The following ADAMTSL1 variants were observed in gnomAD, a reference collection of about 807,000 sequenced individuals.
ADAMTSL1 encodes the protein ADAMTS like 1.
Under a neutral mutation model 201.8 loss-of-function variants are expected in ADAMTSL1, and 126 were observed. The ratio of observed to expected loss-of-function variants is 0.62; its 90% confidence interval spans 0.54 to 0.72. The LOEUF is 0.72. Among genes scored for constraint, ADAMTSL1 ranks in the 30% least tolerant of loss-of-function variants. ADAMTSL1 has a pLI of 0.00. For synonymous variants in ADAMTSL1, 1,121 were observed against 903.4 expected, an observed-to-expected ratio of 1.24 and a Z score of -4.32; for missense variants, 2,679 against 2,277.8, an observed-to-expected ratio of 1.18 and a Z score of -3.59.
chr9:18,511,076 A>G (rs12340914), intron 2 of ADAMTSL1, among the ~76,000 whole-genome samples: 54,834 of 151,898 alleles, frequency 0.36, 10,696 homozygotes, highest in South Asian at 0.47. Flanking sequence ...TATTAAGTCA[A>G]TGCCAAGACC....
intron 2 of ADAMTSL1, among the ~76,000 whole-genome samples, chr9:18,344,910 G>A (rs747213930): frequency 5.3e-5 from 8 of 152,186 alleles, no homozygotes; most frequent in African/African-American, 1.4e-4. Context: ...CCTCATCCCA[G>A]TGGAGCTATT....
In ADAMTSL1 at chr9:18,220,480, A is replaced by G. The variant is rs181664881; in HGVS notation, c.207+56499A>G. On this transcript the variant is annotated intron_variant, in intron 2 of 29. Transcript: ENST00000680146. ...TTTTGTCTGTTTTTTAAAATTTTTC[A>G]ATACCTTCATCTTTAGTGTCAGTAT... Among the ~76,000 whole-genome samples the G allele has an allele frequency of 2.9e-3, 435 of 152,188 alleles. 2 individuals carry two copies. The highest frequency in any genetic ancestry group is 4.4e-3 in the Non-Finnish European group (298 of 67,994).
Position 18,073,052 on chromosome 9 carries a change from C to A in ADAMTSL1, c.88-90810C>A, listed in dbSNP as rs115750580. On this transcript the variant is annotated intron_variant, in intron 1 of 29. Transcript: ENST00000680146. ...CTTAGGGTAGATTAATAGTGTTGTC[C>A]TCACAGCGTTATCTTCATTAATGAA... Among the ~76,000 whole-genome samples the A allele has an allele frequency of 8.4e-3, 1,272 of 152,240 alleles. 21 individuals are homozygous for A. Among genetic ancestry groups the A allele is most frequent in the South Asian group, 0.05 (240 of 4,816 alleles).
chr9:18,474,266 C>G lies in ADAMTSL1; in HGVS notation c.34C>G (p.Leu12Val), dbSNP rs201842948. The G allele has an allele frequency of 1.2e-6, 2 of 1,614,178 alleles. No individual in the cohort carries two copies. The highest frequency in any genetic ancestry group is 2.7e-5 in the African/African-American group (2 of 75,058). The change falls in exon 1 of 29, where the codon CTG becomes GTG. Residue 12 changes from leucine (L) to valine (V), a missense_variant. By Grantham distance (32) the Leu-to-Val change is conservative (BLOSUM62 1). Coordinates refer to ENST00000380548, the MANE Select transcript of ADAMTSL1 (RefSeq NM_001040272.6). ...ECCRRATPGT[L>V]LLFLAFLLLS... ...CTGCCGTCGGGCAACTCCTGGCACA[C>G]TGCTCCTCTTTCTGGCTTTCCTGCT...
At chr9:18,071,665 GC>G (rs1822975381) in intron 1 of ADAMTSL1, among the ~76,000 whole-genome samples, 2 of 152,200 alleles carry the variant, frequency 1.3e-5, no homozygotes. Context: ...CCCAAGTGAA[GC>G]CCAGGAAGGG....
At chr9:18,213,331 G>T (rs193004948) in intron 2 of ADAMTSL1, among the ~76,000 whole-genome samples, 4 of 152,242 alleles carry the variant, frequency 2.6e-5, no homozygotes, top group Admixed American at 2.6e-4. Context: ...TGATGATAAC[G>T]GACATTTTCA....
chr9:18,136,313 A>C (rs993246772), intron 1 of ADAMTSL1, among the ~76,000 whole-genome samples: 4 of 152,202 alleles, frequency 2.6e-5, no homozygotes, highest in African/African-American at 9.6e-5. Context: ...CAATGCAGGC[A>C]ATCAGCTGCC....
intron 2 of ADAMTSL1, among the ~76,000 whole-genome samples, chr9:18,191,745 T>A (rs1828979987): frequency 6.6e-6 from 1 of 152,194 alleles, no homozygotes; most frequent in Non-Finnish European, 1.5e-5. Context: ...GTAACTGGCA[T>A]CAATTCTTAG....
chr9:18,149,945 G>A (rs935834878), intron 1 of ADAMTSL1, among the ~76,000 whole-genome samples: 1 of 152,018 alleles, frequency 6.6e-6, no homozygotes, highest in African/African-American at 2.4e-5. Flanking sequence ...TTTCTGGCTT[G>A]GATTACCTGG....
intron 1 of ADAMTSL1, among the ~76,000 whole-genome samples, chr9:18,073,059 C>T (rs983699768): frequency 2.0e-5 from 3 of 152,118 alleles, no homozygotes; most frequent in Admixed American, 6.6e-5. Flanking sequence ...GTCCTCACAG[C>T]GTTATCTTCA....
intron 13 of ADAMTSL1, among the ~76,000 whole-genome samples, chr9:18,690,898 C>G (rs567115357): frequency 2.6e-5 from 4 of 152,314 alleles, no homozygotes; most frequent in African/African-American, 9.6e-5. Flanking sequence ...GTTCACACCT[C>G]CTAATGATGG....
chr9:17,968,820 C>T (rs2811808), intron 1 of ADAMTSL1, among the ~76,000 whole-genome samples: 90,074 of 151,916 alleles, frequency 0.59, 27,300 homozygotes, highest in East Asian at 0.92. Flanking sequence ...AAATCCTTCA[C>T]TGAGGTTTTA....
At chr9:18,374,870 A>G (rs1005055807) in intron 2 of ADAMTSL1, among the ~76,000 whole-genome samples, 6 of 152,232 alleles carry the variant, frequency 3.9e-5, no homozygotes, top group African/African-American at 1.4e-4. Flanking sequence ...TGCCAGGGCT[A>G]GATGTTCAAC....
intron 21 of ADAMTSL1, among the ~76,000 whole-genome samples, chr9:18,825,420 T>C (rs1457560048): frequency 3.3e-5 from 5 of 152,220 alleles, no homozygotes; most frequent in Non-Finnish European, 7.3e-5. Flanking sequence ...CCTGTGGTTC[T>C]ACTGATACTA....
chr9:18,502,678 G>A lies in ADAMTSL1; in HGVS notation c.64-2151G>A, dbSNP rs115291912. The stretch of plus-strand genomic sequence containing the variant: ...ATTTTGGGGTTACCAAGGTGGCTCC[G>A]TTATCCATGCTTTGCCACATTTTAT... On this transcript the variant is annotated intron_variant, in intron 1 of 28. Transcript: ENST00000380548. 9.1e-3 allele frequency among the ~76,000 whole-genome samples: 1,384 copies of A among 152,166 alleles called. 9 individuals are homozygous for A. Among genetic ancestry groups the A allele is most frequent in the African/African-American group, 0.024 (1,014 of 41,534 alleles).
chr9:18,566,603 G>A (rs1821910960), intron 3 of ADAMTSL1, among the ~76,000 whole-genome samples: 1 of 152,132 alleles, frequency 6.6e-6, no homozygotes, highest in Non-Finnish European at 1.5e-5. Context: ...TCAGAATCTG[G>A]GCAAAGAGAA....
chr9:18,648,347 C>T (rs1290701801), intron 7 of ADAMTSL1, among the ~76,000 whole-genome samples: 1 of 150,510 alleles, frequency 6.6e-6, no homozygotes, highest in Non-Finnish European at 1.5e-5. Context: ...ATCCAATTTG[C>T]CAGTCTGTGT....
chr9:18,285,519 A>G (rs2383073), intron 2 of ADAMTSL1, among the ~76,000 whole-genome samples: 7,064 of 152,186 alleles, frequency 0.046, 252 homozygotes, highest in Non-Finnish European at 0.075. Context: ...CACCTTTTAA[A>G]TACAATTATT....
At chr9:18,126,377 G>A (rs1362183438) in intron 1 of ADAMTSL1, among the ~76,000 whole-genome samples, 1 of 152,066 alleles carries the variant, frequency 6.6e-6, no homozygotes, top group Non-Finnish European at 1.5e-5. Flanking sequence ...TTTAGTTCCA[G>A]TATTACCCTC....
Sources: allele counts gnomAD v4.1 joint callset (sites outside exome capture counted in the v4.1 genomes callset), GRCh38; gene constraint gnomAD v4.1.1; transcripts MANE v1.5; gene names NCBI Gene and HGNC (gene_info 2026-07-23, HGNC 2026-07-21).